SORCS2: variants seen among roughly 807,000 people sequenced by gnomAD.
The protein encoded by SORCS2 is VPS10 domain-containing receptor SorCS2.
In SORCS2, 100 loss-of-function variants were observed where a neutral mutation model predicts 141.6. The ratio of observed to expected loss-of-function variants is 0.71; its 90% CI spans 0.60 to 0.83. The LOEUF is 0.83. Ranked by LOEUF, SORCS2 falls within the 40% of genes least tolerant of loss-of-function variation. The pLI is 0.00. For synonymous variants in SORCS2, 789 were observed against 676.9 expected (o/e 1.17, Z -2.57); for missense variants, 1,646 against 1,560.2 (o/e 1.05, Z -0.93).
At chr4:7,391,118 C>T (rs1451997484) in intron 1 of SORCS2, among the ~76,000 whole-genome samples, 2 of 152,204 alleles carry the variant, frequency 1.3e-5, no homozygotes, top group African/African-American at 4.8e-5. Context: ...TGAGCCTGGC[C>T]ACCCTGCATC....
At chr4:7,694,026 C>G (rs765890458) in intron 11 of SORCS2, among the ~76,000 whole-genome samples, 1 of 152,208 alleles carries the variant, frequency 6.6e-6, no homozygotes, top group East Asian at 1.9e-4. Context: ...TGGTGATCGC[C>G]GGTGCTCCCT....
chr4:7,736,082 C>T (rs1712144386), intron 25 of SORCS2, among the ~76,000 whole-genome samples: 1 of 152,268 alleles, frequency 6.6e-6, no homozygotes. Flanking sequence ...CAGAGCAACG[C>T]CCGTTTGTCC....
chr4:7,246,509 A>G (rs113759015), intron 1 of SORCS2, among the ~76,000 whole-genome samples: 7 of 150,962 alleles, frequency 4.6e-5, no homozygotes, highest in Admixed American at 2.0e-4. Flanking sequence ...GAACCCACAC[A>G]TCTCACCTGG....
intron 2 of SORCS2, chr4:7,433,670 T>G: frequency 1.9e-6 from 3 of 1,610,132 alleles, no homozygotes; most frequent in Non-Finnish European, 2.5e-6. Context: ...GAGGACACCG[T>G]GAGCAGCCTC....
chr4:7,710,170 A>C (rs557414359), intron 14 of SORCS2, among the ~76,000 whole-genome samples: 1 of 152,052 alleles, frequency 6.6e-6, no homozygotes, highest in Non-Finnish European at 1.5e-5. Flanking sequence ...TCTGCGACCA[A>C]TGGAGCCCCA....
chr4:7,463,706 G>A (rs1260957600), intron 2 of SORCS2, among the ~76,000 whole-genome samples: 1 of 152,202 alleles, frequency 6.6e-6, no homozygotes, highest in Non-Finnish European at 1.5e-5. Flanking sequence ...AGTTGGGCGG[G>A]CTTGGGGAGA....
At chr4:7,574,502 G>A (rs373918318) in intron 3 of SORCS2, among the ~76,000 whole-genome samples, 14 of 152,258 alleles carry the variant, frequency 9.2e-5, no homozygotes, top group Middle Eastern at 6.8e-3. Context: ...GTGTTATGCA[G>A]AATGTCAGGT....
chr4:7,566,898 G>A (rs1020293942), intron 3 of SORCS2, among the ~76,000 whole-genome samples: 1 of 148,512 alleles, frequency 6.7e-6, no homozygotes, highest in African/African-American at 2.5e-5. Flanking sequence ...TCTGGTGAAT[G>A]CTTACAACTG....
intron 1 of SORCS2, among the ~76,000 whole-genome samples, chr4:7,335,900 T>C (rs1476827404): frequency 1.3e-5 from 2 of 152,198 alleles, no homozygotes; most frequent in Non-Finnish European, 2.9e-5. Flanking sequence ...TGGCAGGGCC[T>C]ACCGGTGACC....
In SORCS2 at chr4:7,233,907, C is replaced by T. The variant is rs1712080776; in HGVS notation, c.480+40781C>T. On this transcript the variant is annotated intron_variant, in intron 1 of 26. Coordinates refer to ENST00000507866, the MANE Select transcript of SORCS2 (RefSeq NM_020777.3). This position sits in a 1 kb window ranked among gnomAD's most constrained non-coding sequence, Gnocchi z 4.5. The stretch of plus-strand genomic sequence containing the variant: ...CCGCTATCCCATCCCCTTCTCTGGT[C>T]TCAGTTTCCGCATCTGTAAAAGGAG... Among the ~76,000 whole-genome samples the T allele has an allele frequency of 6.6e-6, 1 of 152,170 alleles. No individual in the cohort carries two copies. The highest frequency in any genetic ancestry group is 2.4e-5 in the African/African-American group (1 of 41,416).
intron 3 of SORCS2, among the ~76,000 whole-genome samples, chr4:7,554,269 G>C (rs1322232917): frequency 2.6e-5 from 4 of 152,200 alleles, no homozygotes; most frequent in Non-Finnish European, 5.9e-5. Context: ...AGTGCTGGAG[G>C]ATTGACTGTG....
chr4:7,203,965 G>A (rs1283634285), intron 1 of SORCS2, among the ~76,000 whole-genome samples: 7 of 152,168 alleles, frequency 4.6e-5, no homozygotes, highest in East Asian at 3.9e-4. Context: ...CTGAAGGTTT[G>A]CCCAGGCTGT....
chr4:7,335,512 C>T (rs1047828395), intron 1 of SORCS2, among the ~76,000 whole-genome samples: 4 of 152,208 alleles, frequency 2.6e-5, no homozygotes. Flanking sequence ...CCTCACCCTG[C>T]CCCGCCTCTT....
intron 1 of SORCS2, among the ~76,000 whole-genome samples, chr4:7,337,392 G>T (rs1400142689): frequency 1.3e-5 from 2 of 152,142 alleles, no homozygotes; most frequent in Non-Finnish European, 2.9e-5. Flanking sequence ...GCCGGGAGAA[G>T]GTGCCCGCAC....
At chr4:7,216,584 C>T (rs971152418) in intron 1 of SORCS2, among the ~76,000 whole-genome samples, 4 of 152,114 alleles carry the variant, frequency 2.6e-5, no homozygotes, top group African/African-American at 9.7e-5. Flanking sequence ...TTTCAACATC[C>T]AGAGGTGCCC....
chr4:7,551,996 A>G (rs907280520), intron 3 of SORCS2, among the ~76,000 whole-genome samples: 14 of 152,318 alleles, frequency 9.2e-5, no homozygotes, highest in Non-Finnish European at 1.8e-4. Flanking sequence ...TTGCAACCAC[A>G]TCACTGTGCT....
intron 1 of SORCS2, among the ~76,000 whole-genome samples, chr4:7,306,929 C>T (rs2108911452): frequency 6.6e-6 from 1 of 152,312 alleles, no homozygotes; most frequent in South Asian, 2.1e-4. Context: ...TGCAGAGCAC[C>T]TAGAATTAGT....
At chr4:7,429,047 G>A (rs1043133829) in intron 2 of SORCS2, among the ~76,000 whole-genome samples, 4 of 152,164 alleles carry the variant, frequency 2.6e-5, no homozygotes, top group Non-Finnish European at 4.4e-5. Context: ...TTTCACAGAC[G>A]AGGAAAATGA....
At chr4:7,724,965 G>A (rs1224353875) in intron 19 of SORCS2, among the ~76,000 whole-genome samples, 189 bp from the exon 20 acceptor site, 264 of 116,804 alleles carry the variant, frequency 2.3e-3, no homozygotes, top group African/African-American at 8.1e-3. Flanking sequence ...GGTGATGGTG[G>A]TGATAGTGTT....
Sources: gnomAD v4.1 joint callset for allele counts (sites outside exome capture counted in the v4.1 genomes callset) on GRCh38, gnomAD v4.1.1 for gene constraint, Gnocchi (gnomAD v3.1) non-coding constraint, MANE v1.5 for transcripts, NCBI Gene and HGNC (gene_info 2026-07-23, HGNC 2026-07-21) for gene names.